Variants in AIG1 observed in about 807,000 individuals in gnomAD.
AIG1 encodes androgen-induced gene 1 protein.
In AIG1, 23 loss-of-function variants were observed where a neutral mutation model predicts 31.4. The ratio of observed to expected loss-of-function variants is 0.73; its 90% CI spans 0.53 to 1.04. The LOEUF is 1.04. Ranked by LOEUF, AIG1 falls within the 50% of genes least tolerant of loss-of-function variation. AIG1 has a pLI of 0.00. For synonymous variants in AIG1, 100 were observed against 110.5 expected (o/e 0.90, Z 0.60); for missense variants, 274 against 295.0 (o/e 0.93, Z 0.52).
chr6:143,216,290 A>G (rs1792023806), intron 3 of AIG1, among the ~76,000 whole-genome samples: 1 of 152,140 alleles, frequency 6.6e-6, no homozygotes, highest in Non-Finnish European at 1.5e-5. Flanking sequence ...GGGCTTTTCT[A>G]AGTTTCTCAG....
In AIG1 at chr6:143,120,303, A is replaced by G. The variant is rs890018789; in HGVS notation, c.142-16532A>G. ...TTACATATAAACTTCCTCATAGACA[A>G]TCTGTAAGTTGGCAGAATTTGATGA... On this transcript the variant is annotated intron_variant, in intron 1 of 5. Transcript: ENST00000357847. 2.6e-4 allele frequency among the ~76,000 whole-genome samples: 39 copies of G among 152,260 alleles called. 1 individual carries two copies. Among genetic ancestry groups the G allele is most frequent in the Non-Finnish European group, 5.4e-4 (37 of 68,022 alleles).
chr6:143,149,024 C>T (rs946124502), intron 2 of AIG1, among the ~76,000 whole-genome samples: 15 of 152,132 alleles, frequency 9.9e-5, no homozygotes, highest in African/African-American at 3.4e-4. Context: ...TGTGTAAGTA[C>T]ACTCTATGAT....
Position 143,280,751 on chromosome 6 carries a change from AG to A in AIG1, c.400-3358del, listed in dbSNP as rs1337968121. On this transcript the variant is annotated intron_variant, in intron 3 of 5. Transcript: ENST00000357847. The surrounding 1 kb of genome is among the most constrained non-coding windows in gnomAD (Gnocchi z 4.1). Reference sequence around the variant, plus strand: ...GGAGGTTGGGAGGAGGGAGAGTAGCAGAAAAGATAACTATTGGGTACTGGGC... The same window carrying A: ...GGAGGTTGGGAGGAGGGAGAGTAGCAAAAAGATAACTATTGGGTACTGGGC... Among the ~76,000 whole-genome samples the A allele has an allele frequency of 6.6e-6, 1 of 152,218 alleles. No individual in the cohort carries two copies. The highest frequency in any genetic ancestry group is 1.5e-5 in the Non-Finnish European group (1 of 68,036).
chr6:143,064,983 GTTAT>G (rs1265894612), intron 1 of AIG1, among the ~76,000 whole-genome samples: 1 of 152,170 alleles, frequency 6.6e-6, no homozygotes, highest in Non-Finnish European at 1.5e-5. Context: ...GTAAAAGGTG[GTTAT>G]TTATTGTTAG....
At chr6:143,174,194 A>G (rs1787912973) in intron 3 of AIG1, among the ~76,000 whole-genome samples, 1 of 152,182 alleles carries the variant, frequency 6.6e-6, no homozygotes, top group South Asian at 2.1e-4. Flanking sequence ...CTGATATAAG[A>G]AAAGCTACTC....
intron 3 of AIG1, among the ~76,000 whole-genome samples, chr6:143,208,949 G>T (rs1433142685): frequency 2.6e-5 from 4 of 151,996 alleles, no homozygotes; most frequent in African/African-American, 9.7e-5. Context: ...CACCACCCTG[G>T]GTCCTGCAGT....
At chr6:143,085,561 G>T (rs1276829513) in intron 1 of AIG1, among the ~76,000 whole-genome samples, 3 of 152,178 alleles carry the variant, frequency 2.0e-5, no homozygotes, top group Admixed American at 6.5e-5. Flanking sequence ...CAACCCAGCT[G>T]CTCCATCAAG....
chr6:143,287,737 T>TAAAAA lies in AIG1; in HGVS notation c.515+3535_515+3539dup, dbSNP rs59551903. The stretch of plus-strand genomic sequence containing the variant: ...CCCATAGAACAATGCCTGACTACAG[T>TAAAAA]AAAAAAAAAAAAAAAAAAAAAAAAA... On this transcript the variant is annotated intron_variant, in intron 4 of 5. Transcript: ENST00000357847. Among the ~76,000 whole-genome samples the TAAAAA allele has an allele frequency of 1.0e-3, 81 of 78,042 alleles. 2 individuals are homozygous for TAAAAA. The highest frequency in any genetic ancestry group is 3.6e-3 in the African/African-American group (68 of 18,992). The allele number at this position is 78,042 out of a possible 152,430, so 51.2% of individuals were successfully genotyped here. A position where few individuals can be genotyped will look rare whatever the true frequency, so the allele number is the denominator to read the frequency against.
intron 4 of AIG1, among the ~76,000 whole-genome samples, chr6:143,322,828 T>C (rs759100736): frequency 2.0e-5 from 3 of 152,142 alleles, no homozygotes; most frequent in Non-Finnish European, 4.4e-5. Context: ...AATTTGCCTC[T>C]TTCTCCAGGG....
intron 1 of AIG1, among the ~76,000 whole-genome samples, chr6:143,097,068 A>T (rs558988031): frequency 5.9e-5 from 9 of 152,282 alleles, no homozygotes; most frequent in Admixed American, 4.6e-4. Context: ...TTTGATATTT[A>T]AAAAATTGCC....
rs1296337688 is a variant in AIG1, at chr6:143,326,485, G to A, written c.516-6797G>A. On this transcript the variant is annotated intron_variant, in intron 4 of 5. Coordinates refer to ENST00000357847, the MANE Select transcript of AIG1 (RefSeq NM_016108.4). This position sits in a 1 kb window ranked among gnomAD's most constrained non-coding sequence, Gnocchi z 4.5. ...TGTGACAGGCATTCTGATAAGTGCT[G>A]AGGATCCAAGGAGAGGTAAAAATAA... Among the ~76,000 whole-genome samples the A allele has an allele frequency of 2.0e-5, 3 of 152,132 alleles. No homozygotes were observed. Among genetic ancestry groups the A allele is most frequent in the East Asian group, 3.9e-4 (2 of 5,190 alleles).
In AIG1 at chr6:143,326,269, T is replaced by C. The variant is rs1776604125; in HGVS notation, c.516-7013T>C. Among the ~76,000 whole-genome samples the C allele has an allele frequency of 6.6e-6, 1 of 152,228 alleles. No homozygotes were observed. Among genetic ancestry groups the C allele is most frequent in the African/African-American group, 2.4e-5 (1 of 41,460 alleles). On this transcript the variant is annotated intron_variant, in intron 4 of 5. Coordinates refer to ENST00000357847, the MANE Select transcript of AIG1 (RefSeq NM_016108.4). The surrounding 1 kb of genome is among the most constrained non-coding windows in gnomAD (Gnocchi z 4.5). ...TGGTTTGGCACCTGCCTGCTCCTTCTGCCCTCTCTTCCTTGATCACAACAA... is the reference window on the plus strand; with the variant it reads ...TGGTTTGGCACCTGCCTGCTCCTTCCGCCCTCTCTTCCTTGATCACAACAA...
At chr6:143,095,735 T>C (rs61171267) in intron 1 of AIG1, among the ~76,000 whole-genome samples, 16,452 of 152,072 alleles carry the variant, frequency 0.11, 2,829 homozygotes, top group African/African-American at 0.37. Context: ...ATCTTGTTTT[T>C]TCATCCCTTT....
In AIG1 at chr6:143,311,323, G is replaced by A. The variant is rs535882234; in HGVS notation, c.516-21959G>A. Among the ~76,000 whole-genome samples, 6 of 151,876 alleles carry A rather than the reference G, an allele frequency of 4.0e-5. No homozygotes were observed. In the South Asian group the frequency reaches 8.3e-4, roughly 21 times the overall value. On this transcript the variant is annotated intron_variant, in intron 4 of 5. Coordinates refer to ENST00000357847, the MANE Select transcript of AIG1 (RefSeq NM_016108.4). ...AATACTCAAGATGATGGAGACTCCC[G>A]AATACCCTGACTTGATCATGCATCA...
intron 3 of AIG1, chr6:143,190,032 G>T (rs1451938438): frequency 2.1e-6 from 1 of 486,556 alleles, no homozygotes; most frequent in Non-Finnish European, 2.7e-6. Context: ...AATCTCTCTG[G>T]AGCCTCTTTT....
chr6:143,098,028 CACAA>C (rs1779947053), intron 1 of AIG1, among the ~76,000 whole-genome samples: 1 of 152,152 alleles, frequency 6.6e-6, no homozygotes, highest in South Asian at 2.1e-4. Flanking sequence ...TCCATCAGTC[CACAA>C]ACATAGTGTG....
intron 3 of AIG1, among the ~76,000 whole-genome samples, chr6:143,255,095 T>G (rs532818780): frequency 2.0e-5 from 3 of 152,292 alleles, no homozygotes; most frequent in African/African-American, 7.2e-5. Context: ...AACTCTCACA[T>G]AAGAACATCA....
chr6:143,108,785 C>T (rs1734364807), intron 1 of AIG1, among the ~76,000 whole-genome samples: 1 of 152,170 alleles, frequency 6.6e-6, no homozygotes, highest in South Asian at 2.1e-4. Context: ...GCAGTGCACA[C>T]ATCTTACATG....
intron 1 of AIG1, among the ~76,000 whole-genome samples, chr6:143,069,676 C>T (rs1161563495): frequency 6.6e-6 from 1 of 151,964 alleles, no homozygotes; most frequent in Non-Finnish European, 1.5e-5. Context: ...TATTATTAAG[C>T]TTTGAGAGGT....
Sources: allele counts gnomAD v4.1 joint callset (sites outside exome capture counted in the v4.1 genomes callset), GRCh38; gene constraint gnomAD v4.1.1; non-coding constraint Gnocchi (gnomAD v3.1); transcripts MANE v1.5; gene names NCBI Gene and HGNC (gene_info 2026-07-23, HGNC 2026-07-21).